The following ANO3 variants were observed in gnomAD, a reference collection of about 807,000 sequenced individuals.
ANO3 encodes the protein anoctamin 3, also known as anoctamin-3.
ANO3 carries 99 observed loss-of-function variants against 144.8 expected under a neutral mutation model. That is an observed-to-expected ratio of 0.68 (90% CI 0.58 to 0.81). ANO3 has a LOEUF of 0.81. ANO3 is among the 30% of genes least tolerant of loss of function. The pLI, the probability that ANO3 is intolerant of heterozygous loss-of-function variation, is 0.00. For synonymous variants in ANO3, 414 were observed against 392.6 expected, an observed-to-expected ratio of 1.05 and a Z score of -0.64; for missense variants, 905 against 1,202.2, an observed-to-expected ratio of 0.75 and a Z score of 3.66.
Position 26,656,418 on chromosome 11 carries a change from T to G in ANO3, c.2700T>G (p.Tyr900Ter). The G allele has an allele frequency of 6.2e-7, 1 of 1,612,300 alleles. No homozygotes were observed. The highest frequency in any genetic ancestry group is 1.3e-5 in the African/African-American group (1 of 75,012). The change falls in exon 26 of 27, where the codon TAT becomes TAG. Residue 900 changes from tyrosine to a stop codon, truncating the protein, a stop_gained. Coordinates refer to ENST00000256737, the MANE Select transcript of ANO3 (RefSeq NM_031418.4). LOFTEE classifies it high-confidence loss of function. ...YRGPPWSSKP[Y>*]EFTLQYWHIL... ...GCCCGCCCTGGAGTTCCAAACCCTATGAGTTTACTTTACAATACTGGCATA... is the reference window on the plus strand; with the variant it reads ...GCCCGCCCTGGAGTTCCAAACCCTAGGAGTTTACTTTACAATACTGGCATA...
At chr11:26,592,415 C>T (rs1465561133) in intron 14 of ANO3, among the ~76,000 whole-genome samples, 1 of 151,874 alleles carries the variant, frequency 6.6e-6, no homozygotes, top group East Asian at 1.9e-4. Context: ...GCCATTGACA[C>T]TCTGTAAGCC....
intron 14 of ANO3, among the ~76,000 whole-genome samples, chr11:26,574,976 C>A (rs1850949173): frequency 6.6e-6 from 1 of 152,002 alleles, no homozygotes; most frequent in Non-Finnish European, 1.5e-5. Context: ...CTAAAAATAA[C>A]TTTAAAGGAT....
At chr11:26,608,390 A>G (rs998139697) in intron 17 of ANO3, among the ~76,000 whole-genome samples, 2 of 152,054 alleles carry the variant, frequency 1.3e-5, no homozygotes, top group African/African-American at 4.8e-5. Flanking sequence ...GTGTCTGACA[A>G]CCCCTGCTGG....
At chr11:26,483,870 G>A (rs1037610682) in intron 4 of ANO3, among the ~76,000 whole-genome samples, 4 of 152,156 alleles carry the variant, frequency 2.6e-5, no homozygotes, top group Admixed American at 1.3e-4. Flanking sequence ...ACGTTGTTGT[G>A]ACCAAAATCC....
At chr11:26,367,608 C>T (rs1241864916) in intron 1 of ANO3, among the ~76,000 whole-genome samples, 1 of 152,132 alleles carries the variant, frequency 6.6e-6, no homozygotes, top group Admixed American at 6.6e-5. Context: ...CCCAACTCCT[C>T]AGTACCAAAT....
intron 1 of ANO3, among the ~76,000 whole-genome samples, chr11:26,227,641 A>G (rs1438082835): frequency 6.6e-6 from 1 of 152,182 alleles, no homozygotes. Context: ...TCTGAACTAC[A>G]TAATCGAGAG....
At chr11:26,349,534 ATTGT>A (rs942971072) in intron 1 of ANO3, among the ~76,000 whole-genome samples, 13 of 151,906 alleles carry the variant, frequency 8.6e-5, no homozygotes, top group African/African-American at 2.9e-4. Flanking sequence ...GAGAATTGTT[ATTGT>A]TTGTTTGTTT....
chr11:26,445,270 C>T (rs766062832), intron 3 of ANO3, among the ~76,000 whole-genome samples: 3 of 152,062 alleles, frequency 2.0e-5, no homozygotes, highest in Admixed American at 1.3e-4. Flanking sequence ...AAAAAACAAA[C>T]CTGAAGTTTT....
At chr11:26,422,890 G>C (rs1857794867) in intron 1 of ANO3, among the ~76,000 whole-genome samples, 1 of 151,956 alleles carries the variant, frequency 6.6e-6, no homozygotes, top group South Asian at 2.1e-4. Context: ...TAGGATATCA[G>C]ATTTTCAGTT....
At chr11:26,521,024 A>C (rs1466962506) in intron 6 of ANO3, among the ~76,000 whole-genome samples, 1 of 86,340 alleles carries the variant, frequency 1.2e-5, no homozygotes, top group African/African-American at 4.3e-5. Flanking sequence ...AGACCAGTTT[A>C]AATAATGGAT....
chr11:26,335,263 A>C (rs1170099154), intron 1 of ANO3, among the ~76,000 whole-genome samples: 1 of 152,164 alleles, frequency 6.6e-6, no homozygotes, highest in Non-Finnish European at 1.5e-5. Context: ...GGTGTTTAGC[A>C]GTTTGTCTGA....
Position 26,267,049 on chromosome 11 carries a change from G to A in ANO3, c.155-42596G>A, listed in dbSNP as rs566346069. Among the ~76,000 whole-genome samples the A allele has an allele frequency of 1.4e-3, 204 of 150,514 alleles. 1 individual carries two copies. Among genetic ancestry groups the A allele is most frequent in the Middle Eastern group, 3.4e-3 (1 of 292 alleles). Reference sequence around the variant, plus strand: ...AGAGCTTGCAGTCAGCCGAGATCGCGCCACTGCACTCTAGCCTGGGTGACA... The same window carrying A: ...AGAGCTTGCAGTCAGCCGAGATCGCACCACTGCACTCTAGCCTGGGTGACA... On this transcript the variant is annotated intron_variant, in intron 1 of 27. Coordinates refer to the ANO3 transcript ENST00000672621.
At chr11:26,474,210 G>T (rs1008220536) in intron 4 of ANO3, 5 of 527,292 alleles carry the variant, frequency 9.5e-6, no homozygotes, top group Non-Finnish European at 7.3e-6. Flanking sequence ...CCAATTGAGA[G>T]AAATTAATAT....
intron 1 of ANO3, among the ~76,000 whole-genome samples, chr11:26,300,285 C>A (rs1156435168): frequency 6.6e-6 from 1 of 151,980 alleles, no homozygotes; most frequent in Non-Finnish European, 1.5e-5. Flanking sequence ...ACACACCTTA[C>A]TTTTAAAAGC....
At position 26,332,192 on chromosome 11, in the gene ANO3, CTT is replaced by C; in HGVS notation, c.-83_-82del. 4 of 1,612,882 alleles carry C rather than the reference CTT, an allele frequency of 2.5e-6. No individual in the cohort carries two copies. The highest frequency in any genetic ancestry group is 3.4e-6 in the Non-Finnish European group (4 of 1,179,430). On this transcript the variant is annotated 5_prime_UTR_variant, in exon 1 of 27. Transcript: ENST00000256737. Reference sequence around the variant, plus strand: ...CAGTGCGCTCGCTGAGGCTCCGGACCTTGGAGCGTCTAGAGTCTGGCTACTGT... The same window carrying C: ...CAGTGCGCTCGCTGAGGCTCCGGACCGGAGCGTCTAGAGTCTGGCTACTGT...
intron 4 of ANO3, among the ~76,000 whole-genome samples, chr11:26,504,570 T>G (rs888189698): frequency 1.9e-4 from 17 of 91,712 alleles, no homozygotes; most frequent in African/African-American, 5.6e-4. Flanking sequence ...TAGCAGATGC[T>G]AAGAAAAAAA....
chr11:26,219,862 C>T (rs754343505), intron 1 of ANO3, among the ~76,000 whole-genome samples: 1 of 152,240 alleles, frequency 6.6e-6, no homozygotes, highest in Non-Finnish European at 1.5e-5. Flanking sequence ...ATGCATGTGC[C>T]GCACTGCAGC....
chr11:26,319,921 AT>A (rs60705576), intron 1 of ANO3, among the ~76,000 whole-genome samples: 3,623 of 152,252 alleles, frequency 0.024, 135 homozygotes, highest in African/African-American at 0.083. Context: ...GAAGGTCTTT[AT>A]TTTAGGACTA....
intron 14 of ANO3, among the ~76,000 whole-genome samples, chr11:26,581,165 G>A (rs1478543605): frequency 1.3e-5 from 2 of 152,150 alleles, no homozygotes; most frequent in African/African-American, 4.8e-5. Flanking sequence ...TTTATATAAT[G>A]AGTGAGATGG....
Sources: gnomAD v4.1 joint callset for allele counts (sites outside exome capture counted in the v4.1 genomes callset) on GRCh38, gnomAD v4.1.1 for gene constraint, MANE v1.5 for transcripts, NCBI Gene and HGNC (gene_info 2026-07-23, HGNC 2026-07-21) for gene names.